CRB1: variants seen among roughly 807,000 people sequenced by gnomAD.
CRB1 encodes the protein crumbs cell polarity complex component 1.
Under a neutral mutation model 120.0 loss-of-function variants are expected in CRB1, and 83 were observed. The observed-to-expected ratio is 0.69, with a 90% confidence interval of 0.58 to 0.83. The LOEUF is 0.83. Ranked by LOEUF, CRB1 falls within the 40% of genes least tolerant of loss-of-function variation. The pLI, the probability that CRB1 is intolerant of heterozygous loss-of-function variation, is 0.00. For synonymous variants in CRB1, 625 were observed against 612.5 expected (o/e 1.02, Z -0.30); for missense variants, 1,699 against 1,687.6 (o/e 1.01, Z -0.12).
chr1:197,280,201 A>G, intron 1 of CRB1, among the ~76,000 whole-genome samples: 2 of 151,918 alleles, frequency 1.3e-5, no homozygotes, highest in East Asian at 3.9e-4. Context: ...ACAGTCTTCT[A>G]TAGATACAGC....
chr1:197,244,690 G>C, the CRB1 span, among the ~76,000 whole-genome samples: 1 of 151,552 alleles, frequency 6.6e-6, no homozygotes, highest in Non-Finnish European at 1.5e-5. Flanking sequence ...TGAATCTGTA[G>C]TTTTATGTCT....
In CRB1 at chr1:197,311,646, G is replaced by A. The variant is rs568441306; in HGVS notation, c.71-16776G>A. ...ATGCTTAGATATATGTATATATTGT[G>A]AAATGATTACCACAATCAAGTTAGT... On this transcript the variant is annotated intron_variant, in intron 1 of 11. Coordinates refer to ENST00000367400, the MANE Select transcript of CRB1 (RefSeq NM_201253.3). Among the ~76,000 whole-genome samples the A allele has an allele frequency of 3.3e-5, 5 of 151,308 alleles. No individual in the cohort carries two copies. The East Asian group carries it at 9.7e-4, about 29-fold the overall frequency.
chr1:197,291,554 GAC>G (rs1656184329), intron 1 of CRB1, among the ~76,000 whole-genome samples: 1 of 151,718 alleles, frequency 6.6e-6, no homozygotes, highest in Non-Finnish European at 1.5e-5. Flanking sequence ...AAAAATTCAT[GAC>G]ACTGTTGGAT....
At chr1:197,264,877 A>G (rs144526563), upstream of CRB1, among the ~76,000 whole-genome samples, 1,090 of 151,998 alleles carry the variant, frequency 7.2e-3, 16 homozygotes, top group African/African-American at 0.023. Context: ...CACCCGCCTC[A>G]GCCTCCCAGA....
At chr1:197,368,515 A>T (rs986211246) in intron 5 of CRB1, among the ~76,000 whole-genome samples, 1 of 152,224 alleles carries the variant, frequency 6.6e-6, no homozygotes, top group South Asian at 2.1e-4. Flanking sequence ...ACATTAATTT[A>T]AAAAATGATT....
At position 197,333,764 on chromosome 1, in the gene CRB1, T is replaced by G. The variant is rs186455237; in HGVS notation, c.652+4761T>G. Among the ~76,000 whole-genome samples the G allele has an allele frequency of 9.6e-3, 1,458 of 152,316 alleles. 22 individuals carry two copies. The highest frequency in any genetic ancestry group is 0.04 in the South Asian group (192 of 4,820). ...TGTACTTACAGAGTAGTTAGAAGAC[T>G]AGTTAGTTCATGGAGACTAGTTAGG... On this transcript the variant is annotated intron_variant, in intron 2 of 11. Transcript: ENST00000367400.
chr1:197,367,338 A>G (rs1370427826), intron 5 of CRB1, among the ~76,000 whole-genome samples: 1 of 152,196 alleles, frequency 6.6e-6, no homozygotes, highest in African/African-American at 2.4e-5. Flanking sequence ...GTAAGACAAT[A>G]TGATAACTGT....
chr1:197,426,628 T>C (rs1265413229), intron 6 of CRB1, among the ~76,000 whole-genome samples: 3 of 152,146 alleles, frequency 2.0e-5, no homozygotes, highest in African/African-American at 2.4e-5. Flanking sequence ...CAGATGAGCA[T>C]CACTAACTCC....
chr1:197,210,529 C>A, the CRB1 span, among the ~76,000 whole-genome samples: 3 of 152,020 alleles, frequency 2.0e-5, no homozygotes, highest in Non-Finnish European at 4.4e-5. Flanking sequence ...GTGGACCTGT[C>A]CCACAGATTT....
chr1:197,308,698 A>G (rs1657321488), intron 1 of CRB1, among the ~76,000 whole-genome samples: 2 of 152,062 alleles, frequency 1.3e-5, no homozygotes, highest in Non-Finnish European at 2.9e-5. Context: ...ATTAAAATTT[A>G]AAATGTCTGG....
chr1:197,212,333 A>T, the CRB1 span, among the ~76,000 whole-genome samples: 1 of 152,160 alleles, frequency 6.6e-6, no homozygotes, highest in African/African-American at 2.4e-5. Flanking sequence ...ATCATGACAG[A>T]TTTACTTGTA....
chr1:197,328,345 A>G (rs1174517187), intron 1 of CRB1, 77 bp from the exon 2 acceptor site: 2 of 1,227,186 alleles, frequency 1.6e-6, no homozygotes, highest in African/African-American at 3.0e-5. Context: ...TTGAGGCAGC[A>G]CAAAGGTCAC....
intron 10 of CRB1, chr1:197,439,142 T>C (rs748794059): frequency 6.0e-6 from 1 of 167,504 alleles, no homozygotes; most frequent in Non-Finnish European, 1.3e-5. Context: ...CAGGAATTCT[T>C]AAAATGGAGT....
the CRB1 span, among the ~76,000 whole-genome samples, chr1:197,217,809 T>C: frequency 1.3e-5 from 2 of 152,184 alleles, no homozygotes; most frequent in East Asian, 1.9e-4. Context: ...TGGTGAACTT[T>C]ATGATATATG....
intron 5 of CRB1, 41 bp from the exon 6 acceptor site, chr1:197,420,959 G>C: frequency 8.2e-7 from 1 of 1,226,104 alleles, no homozygotes; most frequent in East Asian, 2.3e-5. Context: ...TATTTTTGAT[G>C]TGAATATATA....
chr1:197,341,053 T>C (rs1659425557), intron 2 of CRB1, among the ~76,000 whole-genome samples: 1 of 152,094 alleles, frequency 6.6e-6, no homozygotes, highest in Non-Finnish European at 1.5e-5. Context: ...GTGAGACTTA[T>C]TCACTATCAC....
rs553324848 is a variant in CRB1 at position 197,435,349 on chromosome 1, T to C, written c.3486T>C (p.His1162=). The C allele has an allele frequency of 7.4e-6, 12 of 1,613,632 alleles. No homozygotes were observed. The South Asian group carries it at 1.1e-4, about 15-fold the overall frequency. ...GNCEDIYSSY[H]CSCPLGWSGK... is the part of the protein sequence containing the mutation. ...GTGAAGACATCTATAGCTCTTATCA[T>C]TGCTCCTGTCCCTTGGGATGGTCAG... The change falls in exon 9 of 12, where the codon CAT becomes CAC. Residue 1162 remains histidine (H), a synonymous_variant. Transcript: ENST00000367400.
At chr1:197,398,795 A>G (rs1662905394) in intron 5 of CRB1, among the ~76,000 whole-genome samples, 1 of 152,032 alleles carries the variant, frequency 6.6e-6, no homozygotes. Context: ...TAGAGGCACT[A>G]TATATACATA....
intron 2 of CRB1, among the ~76,000 whole-genome samples, chr1:197,336,885 T>C (rs1355413233): frequency 2.6e-5 from 4 of 151,924 alleles, no homozygotes; most frequent in Non-Finnish European, 5.9e-5. Flanking sequence ...GGCCTATGAG[T>C]AGAGCAAAAA....
Sources: gnomAD v4.1 joint callset for allele counts (sites outside exome capture counted in the v4.1 genomes callset) on GRCh38, gnomAD v4.1.1 for gene constraint, MANE v1.5 for transcripts, NCBI Gene and HGNC (gene_info 2026-07-23, HGNC 2026-07-21) for gene names.